Variants in RUFY1 observed in about 807,000 individuals in gnomAD.
RUFY1 encodes RUN and FYVE domain-containing protein 1.
Under a neutral mutation model 94.6 loss-of-function variants are expected in RUFY1, and 54 were observed. The observed-to-expected ratio is 0.57, with a 90% CI of 0.46 to 0.72. The LOEUF is 0.72. Among genes scored for constraint, RUFY1 ranks in the 30% least tolerant of loss-of-function variants. RUFY1 has a pLI of 0.00. For synonymous variants in RUFY1, 396 were observed against 347.3 expected (o/e 1.14, Z -1.56); for missense variants, 883 against 883.9 (o/e 1.00, Z 0.01).
intron 1 of RUFY1, among the ~76,000 whole-genome samples, chr5:179,557,921 GTCACCGTA>G (rs1236543414): frequency 6.6e-6 from 1 of 152,090 alleles, no homozygotes; most frequent in Non-Finnish European, 1.5e-5. Flanking sequence ...GGCACCCCAG[GTCACCGTA>G]TCAAGAGGAA....
At chr5:179,565,342 C>A (rs1414342708) in intron 3 of RUFY1, among the ~76,000 whole-genome samples, 1 of 151,892 alleles carries the variant, frequency 6.6e-6, no homozygotes. Context: ...CCACACCCAG[C>A]TATTTTTTGC....
In RUFY1 at chr5:179,571,181, A is replaced by G. The variant is rs767694553; in HGVS notation, c.828+1756A>G. ...ACAATTATGTAACCAGTACCTTATT[A>G]ATTTAGATTGTTTCCATATTGTGAC... On this transcript the variant is annotated intron_variant, in intron 5 of 17. Transcript: ENST00000319449. 1.5e-3 allele frequency among the ~76,000 whole-genome samples: 233 copies of G among 152,218 alleles called. 2 individuals carry two copies. Among genetic ancestry groups the G allele is most frequent in the Non-Finnish European group, 5.4e-4 (37 of 68,040 alleles).
chr5:179,550,753 T>C lies in RUFY1; in HGVS notation c.184T>C (p.Trp62Arg), dbSNP rs982570951. 1.0e-5 allele frequency: 15 copies of C among 1,445,120 alleles called. No homozygotes were observed. In the African/African-American group the frequency reaches 1.8e-4, roughly 17 times the overall value. The allele number at this position is 1,445,120 out of a possible 1,614,324, so 89.5% of individuals were successfully genotyped here. A position where few individuals can be genotyped will look rare whatever the true frequency, so the allele number is the denominator to read the frequency against. ...AACGAGGCCGCGGGCGGCCGAGGGC[T>C]GGTCGGCGCCCATCCTGACCCTGGC... ...SATRPRAAEGWSAPILTLARR... is the reference protein window; with the variant it reads ...SATRPRAAEGRSAPILTLARR... Residue 62 changes from tryptophan to arginine, a missense_variant, in exon 1 of 18, where the codon TGG becomes CGG. Coordinates refer to ENST00000319449, the MANE Select transcript of RUFY1 (RefSeq NM_025158.5).
intron 5 of RUFY1, chr5:179,572,281 T>C (rs946675923): frequency 1.8e-5 from 4 of 221,582 alleles, no homozygotes; most frequent in African/African-American, 7.2e-5. Context: ...CCTCTTTTTC[T>C]ACCCTCTGGA....
chr5:179,575,941 C>T (rs529316173), intron 5 of RUFY1, among the ~76,000 whole-genome samples: 1 of 152,100 alleles, frequency 6.6e-6, no homozygotes, highest in East Asian at 1.9e-4. Flanking sequence ...ACCACTGCAC[C>T]CAGCTAATGT....
intron 17 of RUFY1, 136 bp from the exon 18 acceptor site, chr5:179,609,240 C>T (rs537224311): frequency 2.9e-5 from 21 of 718,578 alleles, no homozygotes; most frequent in African/African-American, 2.4e-4. Flanking sequence ...CTTGTTTGCA[C>T]ACAGCCCCTC....
In RUFY1 at chr5:179,602,001, C is replaced by G; in HGVS notation, c.1856+15C>G. ...CACCTCAGCCAGTAAGAACCCCACT[C>G]CCCTTGTCTGCCACTGCAGGCACAC... On this transcript the variant is annotated intron_variant, in intron 15 of 17. Coordinates refer to ENST00000319449, the MANE Select transcript of RUFY1 (RefSeq NM_025158.5). 6.3e-7 allele frequency: 1 copy of G among 1,598,800 alleles called. No homozygotes were observed.
chr5:179,561,989 G>A (rs567744740), intron 2 of RUFY1, among the ~76,000 whole-genome samples: 52 of 151,180 alleles, frequency 3.4e-4, no homozygotes, highest in Non-Finnish European at 5.5e-4. Flanking sequence ...CGGCTGAGGC[G>A]CCTGTTTTAT....
intron 10 of RUFY1, among the ~76,000 whole-genome samples, chr5:179,592,214 G>C (rs1311382901): frequency 6.6e-6 from 1 of 152,104 alleles, no homozygotes; most frequent in Non-Finnish European, 1.5e-5. Context: ...CTGCCTCCCA[G>C]GTTCAAGCAA....
chr5:179,564,683 A>G (rs371324093), intron 3 of RUFY1, among the ~76,000 whole-genome samples: 22,400 of 151,844 alleles, frequency 0.15, 1,733 homozygotes, highest in South Asian at 0.22. Context: ...CAAAAAAAAA[A>G]AGAAAAAAAA....
At chr5:179,562,382 G>T (rs1762521655) in intron 2 of RUFY1, among the ~76,000 whole-genome samples, 165 bp from the exon 3 acceptor site, 1 of 152,104 alleles carries the variant, frequency 6.6e-6, no homozygotes, top group African/African-American at 2.4e-5. Flanking sequence ...CTCTAGCCTG[G>T]GCAGTAGAGT....
chr5:179,567,778 C>A (rs1762942417), intron 4 of RUFY1, among the ~76,000 whole-genome samples: 1 of 152,114 alleles, frequency 6.6e-6, no homozygotes, highest in Non-Finnish European at 1.5e-5. Flanking sequence ...GTGGCAGGTG[C>A]CTGTAATCCC....
intron 1 of RUFY1, 197 bp from the exon 2 acceptor site, chr5:179,559,828 C>T: frequency 1.2e-5 from 16 of 1,339,004 alleles, no homozygotes; most frequent in African/African-American, 3.0e-5. Flanking sequence ...CAAGGCCCCG[C>T]CGTCCAGGTA....
At chr5:179,572,705 T>A (rs1763318927) in intron 5 of RUFY1, 1 of 168,530 alleles carries the variant, frequency 5.9e-6, no homozygotes, top group South Asian at 1.4e-4. Context: ...TGAAGCCCAA[T>A]GTGGATGACA....
At chr5:179,554,486 A>G (rs778311160) in intron 1 of RUFY1, among the ~76,000 whole-genome samples, 7 of 151,914 alleles carry the variant, frequency 4.6e-5, no homozygotes, top group African/African-American at 7.3e-5. Flanking sequence ...CTGTGAGCCA[A>G]GATCGCCGCA....
In RUFY1 at chr5:179,577,147, CGTT is replaced by C. The variant is rs1581471663; in HGVS notation, c.890+14_890+16del. Reference sequence around the variant, plus strand: ...TGATGGTGGCAAGGAGTAAGTACTGCGTTGTATGTCACTTTTTTTTTTTTTTTT... The same window carrying C: ...TGATGGTGGCAAGGAGTAAGTACTGCGTATGTCACTTTTTTTTTTTTTTTT... On this transcript the variant is annotated intron_variant, in intron 6 of 17. Transcript: ENST00000319449. The C allele has an allele frequency of 1.8e-6, 1 of 570,290 alleles. No individual in the cohort carries two copies. Among genetic ancestry groups the C allele is most frequent in the South Asian group, 1.7e-5 (1 of 58,564 alleles). The allele number at this position is 570,290 out of a possible 1,614,324, so 35.3% of individuals were successfully genotyped here.
At position 179,550,775 on chromosome 5, in the gene RUFY1, T is replaced by C. The variant is rs1450989286; in HGVS notation, c.206T>C (p.Leu69Pro). Residue 69 changes from leucine (L) to proline (P), a missense_variant, in exon 1 of 18, where the codon CTG (leucine) becomes CCG (proline). Transcript: ENST00000319449. ...GGCTGGTCGGCGCCCATCCTGACCC[T>C]GGCACGCAGGGCCACCGGGAACCTG... ...AEGWSAPILT[L>P]ARRATGNLSA... 7.2e-7 allele frequency: 1 copy of C among 1,390,580 alleles called. No individual in the cohort carries two copies. Among genetic ancestry groups the C allele is most frequent in the Non-Finnish European group, 9.4e-7 (1 of 1,067,470 alleles). 86.1% of individuals were successfully genotyped at this position (1,390,580 alleles called of 1,614,324 possible). A position where few individuals can be genotyped will look rare whatever the true frequency, so the allele number is the denominator to read the frequency against.
At chr5:179,557,371 AGTGAGCCAAGATCGT>A (rs2127505546) in intron 1 of RUFY1, among the ~76,000 whole-genome samples, 1 of 152,338 alleles carries the variant, frequency 6.6e-6, no homozygotes, top group Admixed American at 6.5e-5. Context: ...CGGAGGTTGC[AGTGAGCCAAGATCGT>A]GCCATTGCAC....
chr5:179,569,139 AAGC>A, intron 4 of RUFY1, 160 bp from the exon 5 acceptor site: 1 of 985,120 alleles, frequency 1.0e-6, no homozygotes, highest in Non-Finnish European at 1.2e-6. Context: ...ACGGGAGAAA[AAGC>A]AGCCGTTGAA....
Sources: allele counts gnomAD v4.1 joint callset (sites outside exome capture counted in the v4.1 genomes callset), GRCh38; gene constraint gnomAD v4.1.1; transcripts MANE v1.5; gene names NCBI Gene and HGNC (gene_info 2026-07-23, HGNC 2026-07-21).